The following GPX4 variants were observed in gnomAD, a reference collection of about 807,000 sequenced individuals.
GPX4 encodes the protein phospholipid hydroperoxide glutathione peroxidase GPX4.
A neutral mutation model predicts 27.8 loss-of-function variants in GPX4; 28 were observed. That is an observed-to-expected ratio of 1.01 (90% CI 0.75 to 1.38). GPX4 has a LOEUF of 1.38. Ranked by LOEUF, GPX4 falls within the 40% of genes most tolerant of loss-of-function variation. The pLI is 0.00. For missense variants in GPX4, 357 were observed against 274.1 expected (o/e 1.30, Z -2.14); for synonymous variants, 163 against 107.8 (o/e 1.51, Z -3.17).
Position 1,104,053 on chromosome 19 carries a change from G to T in GPX4, c.10G>T (p.Gly4Cys), listed in dbSNP as rs772251077. Residue 4 changes from glycine (G) to cysteine (C), a missense_variant, in exon 1 of 7, where the codon GGC becomes TGC. Gly to Cys is a radical substitution (Grantham distance 159). Coordinates refer to ENST00000354171, the MANE Select transcript of GPX4 (RefSeq NM_002085.5). ...TCCCAGCCCCGCCGCGATGAGCCTC[G>T]GCCGCCTTTGCCGCCTACTGAAGCC... MSL[G>C]RLCRLLKPAL... 75 of 1,519,608 alleles carry T rather than the reference G, an allele frequency of 4.9e-5. No homozygotes were observed. Among genetic ancestry groups the T allele is most frequent in the Non-Finnish European group, 6.0e-5 (68 of 1,140,102 alleles). The allele number at this position is 1,519,608 out of a possible 1,614,324, so 94.1% of individuals were successfully genotyped here.
chr19:1,106,117 TG>T, intron 4 of GPX4, 124 bp from the exon 5 acceptor site: 1 of 659,358 alleles, frequency 1.5e-6, no homozygotes, highest in Non-Finnish European at 2.2e-6. Flanking sequence ...TGGGGGGGCT[TG>T]GGGGCACTGT....
In GPX4 at chr19:1,105,801, C is replaced by T. The variant is rs748675850; in HGVS notation, c.468C>T (p.Ile156=). Residue 156 remains isoleucine (I), a synonymous_variant, in exon 4 of 7, where the codon ATC becomes ATT. Transcript: ENST00000354171. ...WMKIQPKGKG[I]LGNAIKWNFT... ...AGATCCAACCCAAGGGCAAGGGCATCCTGGGAAAGTGCGTGACCTCTGGGG... is the reference window on the plus strand; with the variant it reads ...AGATCCAACCCAAGGGCAAGGGCATTCTGGGAAAGTGCGTGACCTCTGGGG... 2.1e-6 allele frequency: 3 copies of T among 1,461,294 alleles called. No homozygotes were observed. Among genetic ancestry groups the T allele is most frequent in the African/African-American group, 2.9e-5 (2 of 68,798 alleles). 90.5% of individuals were successfully genotyped at this position (1,461,294 alleles called of 1,614,324 possible).
At chr19:1,105,970 C>T (rs1011683594) in intron 4 of GPX4, 161 bp downstream of exon 4, 8 of 878,580 alleles carry the variant, frequency 9.1e-6, no homozygotes, top group African/African-American at 6.9e-5. Context: ...TAAGATGGCT[C>T]AGGGGGACAT....
At chr19:1,106,196 G>A (rs1485186499) in intron 4 of GPX4, 46 bp from the exon 5 acceptor site, 1 of 1,561,666 alleles carries the variant, frequency 6.4e-7, no homozygotes, top group South Asian at 1.2e-5. Context: ...CTTGGGGACT[G>A]TGGGGGGCTG....
chr19:1,104,316 C>T, intron 1 of GPX4, 189 bp downstream of exon 1: 2 of 545,654 alleles, frequency 3.7e-6, no homozygotes, highest in East Asian at 3.6e-5. Flanking sequence ...GCTCCGCGGC[C>T]CTCCAGGCCG....
intron 1 of GPX4, chr19:1,104,591 C>G (rs1489788503): frequency 1.0e-6 from 1 of 973,998 alleles, no homozygotes; most frequent in African/African-American, 1.8e-5. Context: ...GGATCACGCG[C>G]CCCCGGGCGC....
At position 1,105,446 on chromosome 19, in the gene GPX4, A is replaced by C; in HGVS notation, c.260A>C (p.His87Pro). The C allele has an allele frequency of 1.2e-6, 2 of 1,612,402 alleles. No individual in the cohort carries two copies. Among genetic ancestry groups the C allele is most frequent in the Non-Finnish European group, 1.7e-6 (2 of 1,179,700 alleles). The change falls in exon 3 of 7, where the codon CAC becomes CCC. Residue 87 changes from histidine to proline, a missense_variant. His to Pro is a moderately conservative substitution (Grantham distance 77). Coordinates refer to ENST00000354171, the MANE Select transcript of GPX4 (RefSeq NM_002085.5). ...EVNYTQLVDL[H>P]ARYAECGLRI... ...AACTACACTCAGCTCGTCGACCTGC[A>C]CGCCCGATACGCTGAGTGTGGTTTG...
At chr19:1,104,527 C>A in intron 1 of GPX4, 1 of 633,288 alleles carries the variant, frequency 1.6e-6, no homozygotes, top group Non-Finnish European at 2.0e-6. Flanking sequence ...CGTCTCCGGG[C>A]CGAGCGGGGC....
intron 1 of GPX4, chr19:1,104,340 G>A (rs1181943879): frequency 2.0e-6 from 1 of 498,028 alleles, no homozygotes; most frequent in African/African-American, 2.0e-5. Flanking sequence ...TAGGCGCGCG[G>A]GCTGGGGTCG....
Position 1,106,596 on chromosome 19 carries a change from C to A in GPX4, c.*24C>A. 2 of 1,612,926 alleles carry A rather than the reference C, an allele frequency of 1.2e-6. No individual in the cohort carries two copies. Among genetic ancestry groups the A allele is most frequent in the East Asian group, 2.2e-5 (1 of 44,860 alleles). On this transcript the variant is annotated 3_prime_UTR_variant, in exon 7 of 7. Transcript: ENST00000354171. ...AGCTCCACAAGTGTGTGGCCCCGCC[C>A]GAGCCCCTGCCCACGCCCTTGGAGC...
chr19:1,104,619 T>A, intron 1 of GPX4: 2 of 986,176 alleles, frequency 2.0e-6, no homozygotes, highest in Non-Finnish European at 2.4e-6. Context: ...CCCCCGCACC[T>A]TGGCCTAGCG....
chr19:1,105,859 C>T, intron 4 of GPX4, 50 bp downstream of exon 4: 1 of 1,433,038 alleles, frequency 7.0e-7, no homozygotes, highest in Middle Eastern at 2.1e-4. Context: ...GGTGGGGGGG[C>T]TGCTGGGATG....
chr19:1,106,403 CTCA>C lies in GPX4; in HGVS notation c.508_510del (p.Ile170del), dbSNP rs755045860. On this transcript the variant is annotated inframe_deletion, in exon 6 of 7. Transcript: ENST00000354171. ...TTTGGACACCGTCTCTCCACAGTTC[CTCA>C]TCGACAAGAACGGCTGCGTGGTGAA... is the stretch of plus-strand genomic sequence containing the variant. 6.2e-7 allele frequency: 1 copy of C among 1,613,578 alleles called. No individual in the cohort carries two copies. Among genetic ancestry groups the C allele is most frequent in the African/African-American group, 1.3e-5 (1 of 75,004 alleles).
At chr19:1,104,205 T>C (rs2145164366) in intron 1 of GPX4, 78 bp downstream of exon 1, 1 of 1,245,706 alleles carries the variant, frequency 8.0e-7, no homozygotes, top group Non-Finnish European at 1.0e-6. Context: ...CTCGCCGGCG[T>C]GGGGAACCCT....
chr19:1,106,717 C>G lies in GPX4; in HGVS notation c.*145C>G, dbSNP rs541229619. The stretch of plus-strand genomic sequence containing the variant: ...CCCCGCCGGAGGAAGGTCCCATGGC[C>G]TGCTGGGCTTGGCTCGGCGCCCCCA... On this transcript the variant is annotated 3_prime_UTR_variant, in exon 7 of 7. Transcript: ENST00000354171. 8.9e-7 allele frequency: 1 copy of G among 1,117,974 alleles called. No homozygotes were observed. Among genetic ancestry groups the G allele is most frequent in the Non-Finnish European group, 1.3e-6 (1 of 794,206 alleles). The allele number at this position is 1,117,974 out of a possible 1,614,324, so 69.3% of individuals were successfully genotyped here. A position where few individuals can be genotyped will look rare whatever the true frequency, so the allele number is the denominator to read the frequency against.
chr19:1,104,873 C>T (rs1276871811), intron 1 of GPX4: 20 of 1,268,470 alleles, frequency 1.6e-5, no homozygotes, highest in Admixed American at 2.9e-5. Flanking sequence ...GCGGAAGAAG[C>T]CCTGTCCCCG....
rs2079658264 is a variant in GPX4, at chr19:1,106,456, C to T, written c.558C>T (p.Pro186=). 1 of 1,613,288 alleles carries T rather than the reference C, an allele frequency of 6.2e-7. No individual in the cohort carries two copies. Among genetic ancestry groups the T allele is most frequent in the Non-Finnish European group, 8.5e-7 (1 of 1,179,776 alleles). ...AGCGCTACGGACCCATGGAGGAGCC[C>T]CTGGTAGGTCCTCTCTAGGGAGCCC... ...VVKRYGPMEE[P]LVIEKDLPHY... The change falls in exon 6 of 7, where the codon CCC becomes CCT. Residue 186 remains proline, a synonymous_variant. Coordinates refer to ENST00000354171, the MANE Select transcript of GPX4 (RefSeq NM_002085.5).
intron 2 of GPX4, 29 bp downstream of exon 2, chr19:1,105,309 G>A: frequency 6.2e-7 from 1 of 1,612,784 alleles, no homozygotes; most frequent in Non-Finnish European, 8.5e-7. Flanking sequence ...TGGGGCGCGG[G>A]GTCGGGCCCT....
chr19:1,105,354 C>G lies in GPX4; in HGVS notation c.180-12C>G. Reference sequence around the variant, plus strand: ...CCGTGTTCTTCTGCGCTGACGCCGCCGATCCTCGCAGGGGCTTCGTGTGCA... The same window carrying G: ...CCGTGTTCTTCTGCGCTGACGCCGCGGATCCTCGCAGGGGCTTCGTGTGCA... On this transcript the variant is annotated splice_polypyrimidine_tract_variant and intron_variant, in intron 2 of 6. Transcript: ENST00000354171. The G allele has an allele frequency of 5.6e-6, 9 of 1,611,444 alleles. No individual in the cohort carries two copies. The highest frequency in any genetic ancestry group is 7.6e-6 in the Non-Finnish European group (9 of 1,178,894).
Sources: gnomAD v4.1 joint callset for allele counts on GRCh38, gnomAD v4.1.1 for gene constraint, MANE v1.5 for transcripts, NCBI Gene and HGNC (gene_info 2026-07-23, HGNC 2026-07-21) for gene names.